The following CD5L variants were observed in gnomAD, a reference collection of about 807,000 sequenced individuals.
The protein encoded by CD5L is CD5 antigen-like.
In CD5L, 39 loss-of-function variants were observed where a neutral mutation model predicts 40.8. The observed-to-expected ratio is 0.96, with a 90% CI of 0.74 to 1.25. The LOEUF is 1.25. Ranked by LOEUF, CD5L falls within the 50% of genes most tolerant of loss-of-function variation. The pLI is 0.00. For missense variants in CD5L, 433 were observed against 435.9 expected (o/e 0.99, Z 0.06); for synonymous variants, 192 against 169.6 (o/e 1.13, Z -1.03).
rs1468695842 is a variant in CD5L, at chr1:157,831,960, G to C, written c.*4C>G. 3 of 1,590,460 alleles carry C rather than the reference G, an allele frequency of 1.9e-6. No individual in the cohort carries two copies. The highest frequency in any genetic ancestry group is 2.3e-5 in the South Asian group (2 of 86,644). ...GGGGGGCCAGGTCAAGCAACACCAGGATACTATCCTATAAAGAGAAGAGGA... is the reference window on the plus strand; with the variant it reads ...GGGGGGCCAGGTCAAGCAACACCAGCATACTATCCTATAAAGAGAAGAGGA... On this transcript the variant is annotated 3_prime_UTR_variant, in exon 6 of 6. Coordinates refer to ENST00000368174, the MANE Select transcript of CD5L (RefSeq NM_005894.3).
rs2101936563 is a variant in CD5L, at chr1:157,833,415, G to A, written c.816C>T (p.Asn272=). The A allele has an allele frequency of 1.2e-6, 2 of 1,614,082 alleles. No homozygotes were observed. Among genetic ancestry groups the A allele is most frequent in the East Asian group, 2.2e-5 (1 of 44,874 alleles). Residue 272 remains asparagine, a synonymous_variant, in exon 5 of 6, where the codon AAC becomes AAT. Transcript: ENST00000368174. Reference sequence around the variant, plus strand: ...CCACCTGGTCCTCCTTTTCTCCCCAGTTGTCATCACAGACAGAGCCCCATA... The same window carrying A: ...CCACCTGGTCCTCCTTTTCTCCCCAATTGTCATCACAGACAGAGCCCCATA... The part of the protein sequence containing the change: ...KGVWGSVCDD[N]WGEKEDQVVC...
rs201351165 is a variant in CD5L at position 157,836,023 on chromosome 1, C to T, written c.188G>A (p.Arg63Gln). The T allele has an allele frequency of 6.4e-5, 103 of 1,614,070 alleles. No homozygotes were observed. Among genetic ancestry groups the T allele is most frequent in the Middle Eastern group, 1.6e-4 (1 of 6,084 alleles). The change falls in exon 3 of 6, where the codon CGG becomes CAG. Residue 63 changes from arginine to glutamine, a missense_variant. By Grantham distance (43) the Arg-to-Gln change is conservative. Transcript: ENST00000368174. The stretch of plus-strand genomic sequence containing the variant: ...GCTGGCAGCTCCACAGCCCAGCTCC[C>T]GGCACAACACAGCCACGTCCTTAAT... ...WDIKDVAVLC[R>Q]ELGCGAASGT...
At position 157,836,116 on chromosome 1, in the gene CD5L, C is replaced by A. The variant is rs773798853; in HGVS notation, c.95G>T (p.Arg32Leu). Reference protein sequence around the residue: ...SGVRLVGGLHRCEGRVEVEQK... With the variant: ...SGVRLVGGLHLCEGRVEVEQK... ...TTCCACCTCCACCCGCCCTTCACAG[C>A]GGTGGAGGCCCCCCACCAGCCGCAC... The change falls in exon 3 of 6, where the codon CGC becomes CTC. Residue 32 changes from arginine to leucine, a missense_variant. Physicochemically the swap from Arg to Leu is moderately radical, Grantham distance 102 (BLOSUM62 -2). Coordinates refer to ENST00000368174, the MANE Select transcript of CD5L (RefSeq NM_005894.3). The A allele has an allele frequency of 2.5e-6, 4 of 1,613,498 alleles. No individual in the cohort carries two copies. The highest frequency in any genetic ancestry group is 2.7e-5 in the African/African-American group (2 of 75,032).
downstream of CD5L, among the ~76,000 whole-genome samples, chr1:157,829,918 C>T (rs16839239): frequency 0.15 from 22,138 of 152,072 alleles, 1,636 homozygotes; most frequent in East Asian, 0.22. Flanking sequence ...TCTATGTTCC[C>T]CTCTGAGCAT....
At chr1:157,832,967 C>T (rs1440068236) in intron 5 of CD5L, among the ~76,000 whole-genome samples, 3 of 152,094 alleles carry the variant, frequency 2.0e-5, no homozygotes, top group Non-Finnish European at 4.4e-5. Flanking sequence ...ACGATCAATA[C>T]GTATATAGTG....
At chr1:157,833,691 A>G (rs1452838107) in intron 4 of CD5L, among the ~76,000 whole-genome samples, 179 bp from the exon 5 acceptor site, 2 of 151,550 alleles carry the variant, frequency 1.3e-5, no homozygotes, top group Admixed American at 6.6e-5. Context: ...TTGCAGCCTC[A>G]ACCTCGAGGG....
At chr1:157,834,373 G>A (rs750025770) in intron 4 of CD5L, 34 bp downstream of exon 4, 1 of 1,531,894 alleles carries the variant, frequency 6.5e-7, no homozygotes, top group South Asian at 1.2e-5. Flanking sequence ...TTAAATCCAT[G>A]AATAAACCTA....
intron 1 of CD5L, among the ~76,000 whole-genome samples, chr1:157,840,520 C>A (rs770913887): frequency 2.6e-5 from 4 of 152,282 alleles, no homozygotes; most frequent in Non-Finnish European, 5.9e-5. Flanking sequence ...CCTCTCATTA[C>A]CCTCATTCCC....
At position 157,834,514 on chromosome 1, in the gene CD5L, C is replaced by T; in HGVS notation, c.611G>A (p.Ser204Asn). Residue 204 changes from serine (S) to asparagine (N), a missense_variant, in exon 4 of 6, where the codon AGC becomes AAC. Transcript: ENST00000368174. ...TTCTCGTCCTGAGCATGACATCTGG[C>T]TCAGCCAGATGGGTTTTCGGCCATA... is the stretch of plus-strand genomic sequence containing the variant. ...HAYGRKPIWL[S>N]QMSCSGREAT... The T allele has an allele frequency of 6.2e-7, 1 of 1,614,228 alleles. No homozygotes were observed. Among genetic ancestry groups the T allele is most frequent in the Non-Finnish European group, 8.5e-7 (1 of 1,180,040 alleles).
Position 157,833,430 on chromosome 1 carries a change from A to G in CD5L, c.801T>C (p.Ser267=). The G allele has an allele frequency of 6.2e-7, 1 of 1,614,208 alleles. No homozygotes were observed. The highest frequency in any genetic ancestry group is 1.3e-5 in the African/African-American group (1 of 75,060). The change falls in exon 5 of 6, where the codon TCT becomes TCC. Residue 267 remains serine (S), a synonymous_variant. Transcript: ENST00000368174. Reference sequence around the variant, plus strand: ...TTTCTCCCCAGTTGTCATCACAGACAGAGCCCCATACGCCCTTGTGCAGCA... The same window carrying G: ...TTTCTCCCCAGTTGTCATCACAGACGGAGCCCCATACGCCCTTGTGCAGCA... ...LEVLHKGVWG[S]VCDDNWGEKE...
At chr1:157,838,267 T>C (rs1417630543) in intron 2 of CD5L, among the ~76,000 whole-genome samples, 1 of 152,222 alleles carries the variant, frequency 6.6e-6, no homozygotes, top group Non-Finnish European at 1.5e-5. Context: ...AGTTTTCATT[T>C]TCACACAACT....
At chr1:157,832,813 T>C (rs1557939643) in intron 5 of CD5L, among the ~76,000 whole-genome samples, 1 of 152,220 alleles carries the variant, frequency 6.6e-6, no homozygotes, top group African/African-American at 2.4e-5. Flanking sequence ...TTCTGCTATA[T>C]GATTTGAAAG....
At chr1:157,830,764 A>C (rs925673719), downstream of CD5L, 4 of 174,946 alleles carry the variant, frequency 2.3e-5, no homozygotes, top group African/African-American at 7.2e-5. Context: ...ACTGGGAGAC[A>C]GTTGCACACC....
In CD5L at chr1:157,839,410, G is replaced by C. The variant is rs1656305048; in HGVS notation, c.29C>G (p.Ala10Gly). The part of the protein sequence containing the change: MALLFSLIL[A>G]ICTRPGFLAS... Reference sequence around the variant, plus strand: ...TAGGAATCCAGGTCTGGTGCAAATGGCTGGGGAAGAAAGAAGGAAATGAGT... The same window carrying C: ...TAGGAATCCAGGTCTGGTGCAAATGCCTGGGGAAGAAAGAAGGAAATGAGT... Residue 10 changes from alanine to glycine, a missense_variant and splice_region_variant, in exon 2 of 6, where the codon GCC becomes GGC. By Grantham distance (60) the Ala-to-Gly change is moderately conservative. Transcript: ENST00000368174. 2 of 1,613,052 alleles carry C rather than the reference G, an allele frequency of 1.2e-6. No individual in the cohort carries two copies. Among genetic ancestry groups the C allele is most frequent in the Admixed American group, 3.4e-5 (2 of 59,590 alleles).
downstream of CD5L, among the ~76,000 whole-genome samples, chr1:157,827,994 G>T (rs941516001): frequency 7.2e-5 from 11 of 152,148 alleles, no homozygotes; most frequent in South Asian, 2.1e-4. Context: ...CCAGAACCCA[G>T]AAGAAGGTTT....
intron 2 of CD5L, 71 bp downstream of exon 2, chr1:157,839,313 C>T (rs1209708580): frequency 1.4e-6 from 2 of 1,448,026 alleles, no homozygotes; most frequent in Non-Finnish European, 1.9e-6. Context: ...TTCTCTGTGG[C>T]TCAAGAAGCT....
At position 157,835,883 on chromosome 1, in the gene CD5L, C is replaced by T. The variant is rs142870154; in HGVS notation, c.328G>A (p.Glu110Lys). The T allele has an allele frequency of 6.2e-7, 1 of 1,614,162 alleles. No individual in the cohort carries two copies. Residue 110 changes from glutamate (E) to lysine (K), a missense_variant, in exon 3 of 6, where the codon GAA becomes AAA. Coordinates refer to ENST00000368174, the MANE Select transcript of CD5L (RefSeq NM_005894.3). Reference protein sequence around the residue: ...EDTLAQCEQEEVYDCSHDEDA... With the variant: ...EDTLAQCEQEKVYDCSHDEDA... ...TCATCATGTGAACAATCATAAACTT[C>T]TTCTTGCTCACACTGAGCCAATGTA...
chr1:157,839,031 G>A (rs1326007292), intron 2 of CD5L, among the ~76,000 whole-genome samples: 1 of 152,206 alleles, frequency 6.6e-6, no homozygotes, highest in East Asian at 1.9e-4. Flanking sequence ...ACCTGGATAT[G>A]CTGGAAACCA....
chr1:157,827,388 G>C (rs1655929465), downstream of CD5L, among the ~76,000 whole-genome samples: 2 of 151,928 alleles, frequency 1.3e-5, no homozygotes, highest in Admixed American at 1.3e-4. Flanking sequence ...GGAGACATAG[G>C]AAAGGTGGTG....
Sources: allele counts gnomAD v4.1 joint callset (sites outside exome capture counted in the v4.1 genomes callset), GRCh38; gene constraint gnomAD v4.1.1; transcripts MANE v1.5; gene names NCBI Gene and HGNC (gene_info 2026-07-23, HGNC 2026-07-21).